GRID2: variants seen among roughly 807,000 people sequenced by gnomAD.
GRID2 encodes the protein glutamate receptor ionotropic, delta-2.
In GRID2, 33 loss-of-function variants were observed where a neutral mutation model predicts 114.8. The observed-to-expected ratio is 0.29, with a 90% CI of 0.22 to 0.38. GRID2 has a LOEUF of 0.38. Ranked by LOEUF, GRID2 falls within the 10% of genes least tolerant of loss-of-function variation. The probability of loss-of-function intolerance (pLI) is 1.00; values close to 1 mark genes in which losing one functional copy is unlikely to be tolerated. For missense variants in GRID2, 1,184 were observed against 1,257.7 expected (o/e 0.94, Z 0.89); for synonymous variants, 505 against 449.9 (o/e 1.12, Z -1.55).
intron 2 of GRID2, among the ~76,000 whole-genome samples, chr4:92,663,100 C>G (rs918953261): frequency 2.6e-5 from 4 of 150,956 alleles, no homozygotes; most frequent in African/African-American, 9.7e-5. Flanking sequence ...CTTCAGGCCA[C>G]TACACATATA....
chr4:93,514,495 A>C (rs1729505977), intron 12 of GRID2, among the ~76,000 whole-genome samples: 1 of 151,488 alleles, frequency 6.6e-6, no homozygotes, highest in African/African-American at 2.4e-5. Context: ...GAAATATAGA[A>C]ATAACAACCA....
chr4:92,379,684 A>G (rs936675470), intron 1 of GRID2, among the ~76,000 whole-genome samples: 5 of 151,928 alleles, frequency 3.3e-5, no homozygotes, highest in Admixed American at 2.0e-4. Context: ...TTAGGCCCCA[A>G]AAAAGATACA....
chr4:93,050,509 G>GGTGTGTGTGT (rs70942946), intron 2 of GRID2, among the ~76,000 whole-genome samples: 24 of 144,122 alleles, frequency 1.7e-4, no homozygotes, highest in Admixed American at 2.8e-4. Flanking sequence ...AATAATACCT[G>GGTGTGTGTGT]GTGTGTGTGT....
In GRID2 at chr4:92,725,656, C is replaced by T. The variant is rs187172445; in HGVS notation, c.244+135370C>T. Among the ~76,000 whole-genome samples the T allele has an allele frequency of 1.8e-3, 269 of 152,118 alleles. 1 individual carries two copies. The highest frequency in any genetic ancestry group is 4.7e-3 in the Admixed American group (72 of 15,264). On this transcript the variant is annotated intron_variant, in intron 2 of 15. Coordinates refer to ENST00000282020, the MANE Select transcript of GRID2 (RefSeq NM_001510.4). ...GGAGATGTTCGTATCGTCTAAGGTG[C>T]CATAAAGCCAAGGAAATAAATGCTT...
chr4:93,242,891 A>C (rs1188330350), intron 8 of GRID2, among the ~76,000 whole-genome samples: 1 of 152,010 alleles, frequency 6.6e-6, no homozygotes, highest in Non-Finnish European at 1.5e-5. Flanking sequence ...TGTAATTGTT[A>C]AATCTCTGCT....
intron 13 of GRID2, among the ~76,000 whole-genome samples, chr4:93,520,663 C>T (rs1730242109): frequency 6.6e-6 from 1 of 151,966 alleles, no homozygotes; most frequent in Admixed American, 6.6e-5. Flanking sequence ...GGATGGAGGC[C>T]ATTGAAAAGG....
chr4:92,941,245 A>C (rs1344002979), intron 2 of GRID2, among the ~76,000 whole-genome samples: 1 of 152,042 alleles, frequency 6.6e-6, no homozygotes, highest in Non-Finnish European at 1.5e-5. Context: ...TCAATTTCAG[A>C]TCCTGTAACT....
At chr4:93,534,144 A>G (rs779692185) in intron 13 of GRID2, among the ~76,000 whole-genome samples, 2 of 151,950 alleles carry the variant, frequency 1.3e-5, no homozygotes, top group Non-Finnish European at 2.9e-5. Flanking sequence ...TTTTCCAGAA[A>G]CTTTCCCTGA....
intron 11 of GRID2, among the ~76,000 whole-genome samples, chr4:93,477,513 A>G (rs532472029): frequency 1.3e-5 from 2 of 152,270 alleles, no homozygotes; most frequent in South Asian, 4.1e-4. Context: ...TCAATTTCAG[A>G]TATTTAGAAG....
intron 1 of GRID2, among the ~76,000 whole-genome samples, chr4:93,792,294 C>T (rs927339127): frequency 2.0e-5 from 3 of 152,132 alleles, no homozygotes; most frequent in African/African-American, 7.2e-5. Flanking sequence ...CCTGTTCCTA[C>T]TGAAAGTGGT....
chr4:93,701,587 A>G (rs1169502912), intron 14 of GRID2, among the ~76,000 whole-genome samples: 1 of 152,164 alleles, frequency 6.6e-6, no homozygotes, highest in Admixed American at 6.6e-5. Context: ...TACAATTTAC[A>G]TTATCTTGAA....
At chr4:93,399,865 C>T (rs554739217) in intron 9 of GRID2, among the ~76,000 whole-genome samples, 232 of 152,142 alleles carry the variant, frequency 1.5e-3, no homozygotes, top group Middle Eastern at 0.01. Context: ...CAGAGGAAGG[C>T]AGTGAAGCCC....
At chr4:93,503,402 G>A (rs1334101190) in intron 12 of GRID2, among the ~76,000 whole-genome samples, 2 of 151,896 alleles carry the variant, frequency 1.3e-5, no homozygotes, top group East Asian at 3.9e-4. Context: ...GTATACATGT[G>A]CCATGTTGGT....
intron 2 of GRID2, among the ~76,000 whole-genome samples, chr4:92,926,043 C>T (rs1285133434): frequency 6.6e-6 from 1 of 151,954 alleles, no homozygotes; most frequent in Non-Finnish European, 1.5e-5. Context: ...TTGTCTGAGA[C>T]TGTATGTTTT....
chr4:92,643,390 A>T (rs1731455430), intron 2 of GRID2, among the ~76,000 whole-genome samples: 1 of 151,848 alleles, frequency 6.6e-6, no homozygotes, highest in Non-Finnish European at 1.5e-5. Context: ...AAAAAGAATA[A>T]GTCAAACTAT....
chr4:92,584,669 A>T (rs7689583), intron 1 of GRID2, among the ~76,000 whole-genome samples: 41,200 of 151,844 alleles, frequency 0.27, 5,708 homozygotes, highest in Middle Eastern at 0.37. Flanking sequence ...TATGCTAATC[A>T]TCATTATAGT....
At chr4:93,217,130 AT>A (rs1429244263) in intron 6 of GRID2, 5 of 378,504 alleles carry the variant, frequency 1.3e-5, no homozygotes, top group African/African-American at 1.0e-4. Context: ...TAATAAAAAA[AT>A]ATAATAAGTA....
rs181460283 is a variant in GRID2 at position 92,314,767 on chromosome 4, C to T, written c.88+10023C>T. 2.5e-4 allele frequency among the ~76,000 whole-genome samples: 38 copies of T among 152,180 alleles called. 1 individual carries two copies. Among genetic ancestry groups the T allele is most frequent in the South Asian group, 8.3e-4 (4 of 4,828 alleles). ...TCCCCAAGATATCTCATTGTTTATACGCAACTATTCCAAAATCTGAAAAAA... is the reference window on the plus strand; with the variant it reads ...TCCCCAAGATATCTCATTGTTTATATGCAACTATTCCAAAATCTGAAAAAA... On this transcript the variant is annotated intron_variant, in intron 1 of 15. Transcript: ENST00000282020.
intron 1 of GRID2, among the ~76,000 whole-genome samples, chr4:92,407,121 T>C (rs747798888): frequency 6.6e-6 from 1 of 151,890 alleles, no homozygotes; most frequent in Non-Finnish European, 1.5e-5. Context: ...CTGCCACTCT[T>C]AAACCATCAT....
Sources: allele counts gnomAD v4.1 joint callset (sites outside exome capture counted in the v4.1 genomes callset), GRCh38; gene constraint gnomAD v4.1.1; transcripts MANE v1.5; gene names NCBI Gene and HGNC (gene_info 2026-07-23, HGNC 2026-07-21).